SIPA1L1: variants seen among roughly 807,000 people sequenced by gnomAD.
The protein encoded by SIPA1L1 is signal induced proliferation associated 1 like 1.
SIPA1L1 carries 26 observed loss-of-function variants against 162.7 expected under a neutral mutation model. That is an observed-to-expected ratio of 0.16 (90% CI 0.12 to 0.22). The LOEUF is 0.22. Ranked by LOEUF, SIPA1L1 falls within the 10% of genes least tolerant of loss-of-function variation. SIPA1L1 has a pLI of 1.00. For synonymous variants in SIPA1L1, 829 were observed against 837.4 expected (o/e 0.99, Z 0.17); for missense variants, 1,874 against 2,241.0 (o/e 0.84, Z 3.31).
intron 2 of SIPA1L1, among the ~76,000 whole-genome samples, chr14:71,354,838 G>A (rs2037087021): frequency 6.6e-6 from 1 of 152,160 alleles, no homozygotes; most frequent in African/African-American, 2.4e-5. Flanking sequence ...CACCATCAGT[G>A]CTAAAGCTAA....
intron 2 of SIPA1L1, among the ~76,000 whole-genome samples, chr14:71,374,559 TA>T (rs1431741052): frequency 6.6e-6 from 1 of 151,950 alleles, no homozygotes; most frequent in African/African-American, 2.4e-5. Flanking sequence ...TAAAGTATAT[TA>T]TTTTTAATTT....
At chr14:71,444,707 A>G (rs1005802050) in intron 2 of SIPA1L1, among the ~76,000 whole-genome samples, 20 of 152,196 alleles carry the variant, frequency 1.3e-4, no homozygotes, top group African/African-American at 4.6e-4. Flanking sequence ...AGCCAGGCCC[A>G]GGTAGGTGTC....
At position 71,505,145 on chromosome 14, in the gene SIPA1L1, T is replaced by A. The variant is rs578251673; in HGVS notation, c.-464-7598T>A. ...AAACTTTTCTCAACCTTGATTCTTT[T>A]CCAAACTATCACCGTTCTTTCATTC... On this transcript the variant is annotated intron_variant, in intron 2 of 23. Transcript: ENST00000381232. 2.0e-5 allele frequency among the ~76,000 whole-genome samples: 3 copies of A among 152,326 alleles called. No individual in the cohort carries two copies. The East Asian group carries it at 5.8e-4, about 29-fold the overall frequency.
At chr14:71,392,446 G>T (rs1420412448) in intron 2 of SIPA1L1, among the ~76,000 whole-genome samples, 1 of 152,102 alleles carries the variant, frequency 6.6e-6, no homozygotes, top group African/African-American at 2.4e-5. Context: ...TTCCTCTCAG[G>T]ACCAGCTTAA....
At chr14:71,502,255 A>AAAAATATATATATATATATAT (rs67020418) in intron 2 of SIPA1L1, among the ~76,000 whole-genome samples, 5 of 97,544 alleles carry the variant, frequency 5.1e-5, no homozygotes, top group African/African-American at 2.3e-4. Flanking sequence ...AAAAAAAAAA[A>AAAAATATATATATATATATAT]ATATATATAT....
At chr14:71,382,300 A>T (rs1245231522) in intron 2 of SIPA1L1, among the ~76,000 whole-genome samples, 1 of 152,200 alleles carries the variant, frequency 6.6e-6, no homozygotes, top group African/African-American at 2.4e-5. Flanking sequence ...GCATAAGCCA[A>T]GTGTTTGGGG....
chr14:71,429,178 G>A (rs8018396), intron 2 of SIPA1L1, among the ~76,000 whole-genome samples: 151,810 of 152,302 alleles, frequency 1, 75,674 homozygotes, highest in Middle Eastern at 1. Context: ...TGTTTTTGTG[G>A]GACATTTTTT....
intron 5 of SIPA1L1, among the ~76,000 whole-genome samples, chr14:71,598,990 A>T (rs142067700): frequency 6.6e-6 from 1 of 152,130 alleles, no homozygotes; most frequent in African/African-American, 2.4e-5. Context: ...TCTGATATCT[A>T]TCGTTACACT....
chr14:71,507,435 GTTAACC>G (rs974327508), intron 2 of SIPA1L1, among the ~76,000 whole-genome samples: 11 of 152,158 alleles, frequency 7.2e-5, no homozygotes, highest in Admixed American at 7.2e-4. Flanking sequence ...ATCTTTCTGT[GTTAACC>G]TTAATCAATT....
At chr14:71,347,685 CT>C (rs1447509138) in intron 2 of SIPA1L1, among the ~76,000 whole-genome samples, 1 of 152,076 alleles carries the variant, frequency 6.6e-6, no homozygotes, top group East Asian at 1.9e-4. Flanking sequence ...TACTGTATGG[CT>C]TTTCTTTTTA....
chr14:71,356,614 G>GCCT (rs1192660949), intron 2 of SIPA1L1, among the ~76,000 whole-genome samples: 1 of 138,600 alleles, frequency 7.2e-6, no homozygotes, highest in Non-Finnish European at 1.5e-5. Flanking sequence ...AGCTACCAGG[G>GCCT]AGGCTGAGGC....
intron 2 of SIPA1L1, among the ~76,000 whole-genome samples, chr14:71,330,046 G>A (rs2034333810): frequency 6.6e-6 from 1 of 152,114 alleles, no homozygotes; most frequent in Non-Finnish European, 1.5e-5. Context: ...AATATGACAG[G>A]TGGAAAGGAC....
In SIPA1L1 at chr14:71,657,674, CTT is replaced by C. The variant is rs11320179; in HGVS notation, c.1994-645_1994-644del. Among the ~76,000 whole-genome samples, 992 of 144,038 alleles carry C rather than the reference CTT, an allele frequency of 6.9e-3. 3 individuals are homozygous for C. The highest frequency in any genetic ancestry group is 9.0e-3 in the Non-Finnish European group (588 of 65,466). 94.5% of individuals were successfully genotyped at this position (144,038 alleles called of 152,430 possible). On this transcript the variant is annotated intron_variant, in intron 8 of 23. Transcript: ENST00000381232. ...GTTAATGGTCTTGTTAAATTATTGT[CTT>C]TTTTTTTTTTTTTAAGAACAAAACA... is the stretch of plus-strand genomic sequence containing the variant.
At chr14:71,687,819 G>A (rs1473062027) in intron 13 of SIPA1L1, among the ~76,000 whole-genome samples, 1 of 152,150 alleles carries the variant, frequency 6.6e-6, no homozygotes, top group Admixed American at 6.5e-5. Context: ...GACCATTAGA[G>A]TAGCTTGTGA....
chr14:71,589,534 T>C (rs1007264476), intron 5 of SIPA1L1, among the ~76,000 whole-genome samples, 164 bp downstream of exon 5: 5 of 152,222 alleles, frequency 3.3e-5, no homozygotes, highest in African/African-American at 9.6e-5. Flanking sequence ...TATTTCTTTT[T>C]GCATTTTTTG....
At chr14:71,718,571 G>A (rs1478104185) in intron 17 of SIPA1L1, among the ~76,000 whole-genome samples, 5 of 152,204 alleles carry the variant, frequency 3.3e-5, no homozygotes. Flanking sequence ...GATCGCTTAA[G>A]CCCAGGAGGC....
chr14:71,441,269 G>A (rs1053900982), intron 2 of SIPA1L1, among the ~76,000 whole-genome samples: 1 of 152,184 alleles, frequency 6.6e-6, no homozygotes, highest in Admixed American at 6.5e-5. Context: ...CTGATCCAAA[G>A]TCTTGCAGAG....
chr14:71,523,529 T>C (rs2052567152), intron 3 of SIPA1L1, among the ~76,000 whole-genome samples: 2 of 152,252 alleles, frequency 1.3e-5, no homozygotes, highest in South Asian at 4.1e-4. Context: ...AACTGATCTC[T>C]ACACTGCATT....
intron 8 of SIPA1L1, among the ~76,000 whole-genome samples, chr14:71,656,137 T>C (rs980846653): frequency 6.6e-6 from 1 of 152,150 alleles, no homozygotes; most frequent in African/African-American, 2.4e-5. Context: ...ACTCTATGAA[T>C]CTAAAAGACC....
Sources: allele counts gnomAD v4.1 joint callset (sites outside exome capture counted in the v4.1 genomes callset), GRCh38; gene constraint gnomAD v4.1.1; transcripts MANE v1.5; gene names NCBI Gene and HGNC (gene_info 2026-07-23, HGNC 2026-07-21).